Variants in POGZ observed in about 807,000 individuals in gnomAD.
POGZ encodes the protein pogo transposable element derived with ZNF domain.
Under a neutral mutation model 134.6 loss-of-function variants are expected in POGZ, and 17 were observed. The observed-to-expected ratio is 0.13, with a 90% CI of 0.09 to 0.19. The LOEUF (loss-of-function observed/expected upper bound fraction) is 0.19. Among genes scored for constraint, POGZ ranks in the 10% least tolerant of loss-of-function variants. POGZ has a pLI of 1.00. For missense variants in POGZ, 1,306 were observed against 1,769.7 expected (o/e 0.74, Z 4.70); for synonymous variants, 693 against 657.1 (o/e 1.05, Z -0.84).
chr1:151,450,706 G>A (rs1571582764), intron 1 of POGZ, among the ~76,000 whole-genome samples: 1 of 152,072 alleles, frequency 6.6e-6, no homozygotes, highest in East Asian at 1.9e-4. Flanking sequence ...TCCTCTACAG[G>A]TTACTTTTGC....
At chr1:151,414,654 T>C (rs1031090003) in intron 10 of POGZ, among the ~76,000 whole-genome samples, 3 of 152,152 alleles carry the variant, frequency 2.0e-5, no homozygotes, top group African/African-American at 7.2e-5. Flanking sequence ...CAGTAATGCA[T>C]GTCTGTAGTC....
At position 151,445,571 on chromosome 1, in the gene POGZ, A is replaced by G. The variant is rs1218520726; in HGVS notation, c.-1-3366T>C. ...AGAAAGAGACAAAAAAGAAAGAAAAAAAAGAAAATCCAACTTATGGGGAAA... is the reference window on the plus strand; with the variant it reads ...AGAAAGAGACAAAAAAGAAAGAAAAGAAAGAAAATCCAACTTATGGGGAAA... On this transcript the variant is annotated intron_variant, in intron 1 of 18. Coordinates refer to ENST00000271715, the MANE Select transcript of POGZ (RefSeq NM_015100.4). Among the ~76,000 whole-genome samples, 4 of 146,550 alleles carry G rather than the reference A, an allele frequency of 2.7e-5. No homozygotes were observed. The Admixed American group carries it at 2.7e-4, about 10-fold the overall frequency.
chr1:151,426,094 A>AT (rs1446986153), intron 7 of POGZ: 2 of 152,100 alleles, frequency 1.3e-5, no homozygotes, highest in Non-Finnish European at 2.9e-5. Context: ...TTGCATTTCC[A>AT]TAATGATTAA....
intron 1 of POGZ, among the ~76,000 whole-genome samples, chr1:151,455,894 CTTTTT>C (rs768038263): frequency 1.7e-4 from 20 of 117,564 alleles, no homozygotes; most frequent in East Asian, 5.4e-4. Context: ...TAGTTTCTTT[CTTTTT>C]TTTTTTTTTT....
intron 12 of POGZ, among the ~76,000 whole-genome samples, chr1:151,409,653 TC>T (rs1341879440): frequency 6.6e-6 from 1 of 151,728 alleles, no homozygotes; most frequent in African/African-American, 2.4e-5. Context: ...TTTTTCCCTT[TC>T]CTTTTTGTAG....
intron 7 of POGZ, among the ~76,000 whole-genome samples, chr1:151,425,601 T>C (rs72996059): frequency 0.016 from 2,509 of 152,290 alleles, 84 homozygotes; most frequent in African/African-American, 0.057. Context: ...TGGAATCATA[T>C]GGTACTTGTC....
chr1:151,438,078 G>A (rs183006187), intron 3 of POGZ, among the ~76,000 whole-genome samples: 3 of 152,132 alleles, frequency 2.0e-5, no homozygotes, highest in East Asian at 3.9e-4. Flanking sequence ...AGGCATGGTG[G>A]TGCATGCCTG....
chr1:151,408,111 G>A lies in POGZ; in HGVS notation c.2364C>T (p.Asn788=). The change falls in exon 15 of 19, where the codon AAC becomes AAT. Residue 788 remains asparagine (N), a synonymous_variant. Transcript: ENST00000271715. ...YSTCCSRAYA[N]HMINNHVPRK... ...AAAAACCAACTTACTTGATCATGTGGTTGGCATAAGCTCGAGAACAGCAGG... is the reference window on the plus strand; with the variant it reads ...AAAAACCAACTTACTTGATCATGTGATTGGCATAAGCTCGAGAACAGCAGG... The A allele has an allele frequency of 6.2e-7, 1 of 1,611,936 alleles. No individual in the cohort carries two copies. Among genetic ancestry groups the A allele is most frequent in the Non-Finnish European group, 8.5e-7 (1 of 1,179,184 alleles).
chr1:151,427,546 C>T, intron 7 of POGZ: 1 of 362,844 alleles, frequency 2.8e-6, no homozygotes, highest in African/African-American at 2.1e-5. Context: ...CTCAGAAATC[C>T]ATCTCTTCCA....
intron 3 of POGZ, among the ~76,000 whole-genome samples, chr1:151,433,951 G>A (rs1659160643): frequency 6.6e-6 from 1 of 152,148 alleles, no homozygotes; most frequent in Non-Finnish European, 1.5e-5. Flanking sequence ...GGCTGAAGCA[G>A]GTGGATCACT....
intron 1 of POGZ, among the ~76,000 whole-genome samples, chr1:151,444,518 C>CTG (rs1571551923): frequency 6.6e-6 from 1 of 152,196 alleles, no homozygotes; most frequent in East Asian, 1.9e-4. Context: ...TGAATATAAA[C>CTG]TGTGGACAAT....
At chr1:151,449,911 A>C (rs1661814881) in intron 1 of POGZ, among the ~76,000 whole-genome samples, 1 of 152,136 alleles carries the variant, frequency 6.6e-6, no homozygotes, top group Admixed American at 6.5e-5. Context: ...AGAGCAGAAC[A>C]AGGTTCTTAT....
intron 12 of POGZ, among the ~76,000 whole-genome samples, chr1:151,409,391 T>C (rs113879674): frequency 1.7e-3 from 148 of 88,228 alleles, no homozygotes; most frequent in African/African-American, 3.9e-3. Context: ...CCCCCTTTTT[T>C]TGAGACAGGG....
intron 3 of POGZ, among the ~76,000 whole-genome samples, chr1:151,440,106 AAAAT>A (rs901203370): frequency 9.2e-5 from 14 of 152,196 alleles, no homozygotes; most frequent in African/African-American, 2.9e-4. Flanking sequence ...ATAAAAATAA[AAAAT>A]AAATATATGT....
intron 3 of POGZ, among the ~76,000 whole-genome samples, chr1:151,439,872 G>C (rs1032336071): frequency 6.6e-6 from 1 of 152,076 alleles, no homozygotes; most frequent in African/African-American, 2.4e-5. Flanking sequence ...TACAGAGATA[G>C]GAATGTTCAC....
chr1:151,410,154 TGTA>T (rs1358797406), intron 12 of POGZ, among the ~76,000 whole-genome samples: 1 of 152,240 alleles, frequency 6.6e-6, no homozygotes, highest in Non-Finnish European at 1.5e-5. Flanking sequence ...GCTCTCTTCT[TGTA>T]GTATTTTAAA....
chr1:151,423,510 T>C lies in POGZ; in HGVS notation c.1565A>G (p.Gln522Arg). Reference protein sequence around the residue: ...HMKHHVELDQQNGEVDGHTIC... With the variant: ...HMKHHVELDQRNGEVDGHTIC... ...AGTGTGACCATCTACCTCACCGTTC[T>C]GCTGATCGAGTTCTACGTGGTGTTT... The change falls in exon 10 of 19, where the codon CAG becomes CGG. Residue 522 changes from glutamine (Q) to arginine (R), a missense_variant. Transcript: ENST00000271715. 6.2e-7 allele frequency: 1 copy of C among 1,614,008 alleles called. No individual in the cohort carries two copies.
rs755391276 is a variant in POGZ, at chr1:151,428,262, G to A, written c.720C>T (p.Thr240=). 6.8e-6 allele frequency: 11 copies of A among 1,613,992 alleles called. No individual in the cohort carries two copies. The highest frequency in any genetic ancestry group is 4.4e-5 in the South Asian group (4 of 91,084). The change falls in exon 6 of 19, where the codon ACC becomes ACT. Residue 240 remains threonine, a synonymous_variant. Coordinates refer to ENST00000271715, the MANE Select transcript of POGZ (RefSeq NM_015100.4). The part of the protein sequence containing the change: ...VIPATLTIRS[T]VPQSQSQQTK... ...TCTGCTGGGACTGGGACTGTGGGAC[G>A]GTGCTTCGAATGGTAAGAGTGGCCG...
intron 4 of POGZ, among the ~76,000 whole-genome samples, 184 bp downstream of exon 4, chr1:151,430,482 C>T (rs567068311): frequency 7.2e-5 from 11 of 152,228 alleles, no homozygotes; most frequent in Admixed American, 2.0e-4. Flanking sequence ...AAGATATTAC[C>T]CAGCCATACT....
Sources: gnomAD v4.1 joint callset for allele counts (sites outside exome capture counted in the v4.1 genomes callset) on GRCh38, gnomAD v4.1.1 for gene constraint, MANE v1.5 for transcripts, NCBI Gene and HGNC (gene_info 2026-07-23, HGNC 2026-07-21) for gene names.